KLF12: variants seen among roughly 807,000 people sequenced by gnomAD.
KLF12 encodes the protein Krueppel-like factor 12.
KLF12 carries 9 observed loss-of-function variants against 37.8 expected under a neutral mutation model. The ratio of observed to expected loss-of-function variants is 0.24; its 90% CI spans 0.14 to 0.42. The LOEUF (loss-of-function observed/expected upper bound fraction) is 0.42, where lower values mean the gene tolerates loss of function less well. Ranked by LOEUF, KLF12 falls within the 10% of genes least tolerant of loss-of-function variation. The pLI is 1.00. For synonymous variants in KLF12, 208 were observed against 202.1 expected, an observed-to-expected ratio of 1.03 and a Z score of -0.25; for missense variants, 411 against 516.0, an observed-to-expected ratio of 0.80 and a Z score of 1.97.
intron 4 of KLF12, among the ~76,000 whole-genome samples, chr13:73,841,154 A>C (rs1342591447): frequency 6.6e-6 from 1 of 152,164 alleles, no homozygotes; most frequent in Non-Finnish European, 1.5e-5. Flanking sequence ...ATTTTGGGAC[A>C]CCAATTCCTA....
intron 3 of KLF12, among the ~76,000 whole-genome samples, chr13:73,865,901 T>C (rs1886151425): frequency 6.6e-6 from 1 of 152,112 alleles, no homozygotes; most frequent in Admixed American, 6.6e-5. Flanking sequence ...ATTAATGAAC[T>C]GAAAAATGAA....
At chr13:73,838,537 G>A (rs1884561670) in intron 4 of KLF12, among the ~76,000 whole-genome samples, 1 of 152,090 alleles carries the variant, frequency 6.6e-6, no homozygotes, top group South Asian at 2.1e-4. Flanking sequence ...CATACTCAAG[G>A]ATCTAAACAC....
At chr13:73,906,328 G>A (rs1358870930) in intron 3 of KLF12, among the ~76,000 whole-genome samples, 1 of 151,932 alleles carries the variant, frequency 6.6e-6, no homozygotes, top group Non-Finnish European at 1.5e-5. Context: ...TTCTCCTGTG[G>A]GAAGTCTGTT....
chr13:74,031,049 G>C (rs750558666), intron 1 of KLF12, among the ~76,000 whole-genome samples: 3 of 151,936 alleles, frequency 2.0e-5, no homozygotes, highest in Admixed American at 2.0e-4. Context: ...GCTATATCTC[G>C]AACTACAAAG....
At chr13:74,168,840 C>A in the KLF12 span, among the ~76,000 whole-genome samples, 2 of 152,150 alleles carry the variant, frequency 1.3e-5, no homozygotes, top group African/African-American at 4.8e-5. Flanking sequence ...TAATCGGATG[C>A]CTTTGGGAAG....
chr13:73,724,148 C>T (rs141943632), intron 6 of KLF12, among the ~76,000 whole-genome samples: 3,466 of 152,214 alleles, frequency 0.023, 44 homozygotes, highest in South Asian at 0.075. Flanking sequence ...ACCCAAATGC[C>T]CACCAATGAT....
At chr13:73,828,846 T>A (rs1191706291) in intron 4 of KLF12, among the ~76,000 whole-genome samples, 2 of 152,194 alleles carry the variant, frequency 1.3e-5, no homozygotes, top group Non-Finnish European at 1.5e-5. Context: ...ACTTATCTAC[T>A]TGTCGAATCT....
intron 3 of KLF12, among the ~76,000 whole-genome samples, chr13:73,912,001 T>C (rs1375262539): frequency 6.6e-6 from 1 of 152,212 alleles, no homozygotes; most frequent in African/African-American, 2.4e-5. Flanking sequence ...AATAAGGACA[T>C]TGCTGATGGT....
At chr13:73,759,614 C>T (rs1053245149) in intron 6 of KLF12, among the ~76,000 whole-genome samples, 1 of 152,128 alleles carries the variant, frequency 6.6e-6, no homozygotes, top group African/African-American at 2.4e-5. Flanking sequence ...CACAGGTGGA[C>T]AACTGCCACG....
chr13:73,875,412 G>GT (rs1177565783), intron 3 of KLF12, among the ~76,000 whole-genome samples: 1 of 152,060 alleles, frequency 6.6e-6, no homozygotes, highest in African/African-American at 2.4e-5. Context: ...ATCTCAAAAT[G>GT]TATTTTTAAA....
At chr13:73,746,097 C>G (rs1414696539) in intron 6 of KLF12, among the ~76,000 whole-genome samples, 1 of 150,780 alleles carries the variant, frequency 6.6e-6, no homozygotes, top group East Asian at 1.9e-4. Flanking sequence ...TGCATTGCCA[C>G]AGTTAGAAGT....
the KLF12 span, chr13:74,259,507 T>C: frequency 3.3e-5 from 5 of 152,140 alleles, no homozygotes; most frequent in South Asian, 2.1e-4. Context: ...TCCATGTCCC[T>C]CCCAGTACAC....
At chr13:73,999,315 C>A (rs1892206817) in intron 1 of KLF12, among the ~76,000 whole-genome samples, 1 of 152,154 alleles carries the variant, frequency 6.6e-6, no homozygotes, top group Admixed American at 6.5e-5. Context: ...TTTAGTAACA[C>A]AAGGCCATCA....
intron 5 of KLF12, among the ~76,000 whole-genome samples, chr13:73,802,996 G>T (rs962215633): frequency 6.6e-6 from 1 of 152,152 alleles, no homozygotes; most frequent in African/African-American, 2.4e-5. Context: ...TATATAACTA[G>T]ATTTCAAGAA....
intron 1 of KLF12, among the ~76,000 whole-genome samples, chr13:74,035,574 G>C (rs1046843695): frequency 6.6e-6 from 1 of 152,124 alleles, no homozygotes; most frequent in African/African-American, 2.4e-5. Flanking sequence ...TCTGAATGAA[G>C]CCAAACAAAA....
In KLF12 at chr13:74,133,898, C is replaced by G. The variant is rs1275070004; in HGVS notation, c.-191G>C. 6.6e-6 allele frequency among the ~76,000 whole-genome samples: 1 copy of G among 152,118 alleles called. No individual in the cohort carries two copies. The highest frequency in any genetic ancestry group is 1.5e-5 in the Non-Finnish European group (1 of 68,028). ...GCGCACACGCACACGCAGAGCCTCT[C>G]AGCGGCTCTCTGCAGTTCTCAGGAA... On this transcript the variant is annotated 5_prime_UTR_variant, in exon 1 of 8. Transcript: ENST00000377669.
the KLF12 span, among the ~76,000 whole-genome samples, chr13:74,219,360 T>C: frequency 6.6e-6 from 1 of 152,230 alleles, no homozygotes; most frequent in Non-Finnish European, 1.5e-5. Flanking sequence ...TGAGACTATA[T>C]TTCCATGTGA....
chr13:73,742,805 G>C (rs1485813365), intron 6 of KLF12, among the ~76,000 whole-genome samples: 1 of 152,098 alleles, frequency 6.6e-6, no homozygotes, highest in African/African-American at 2.4e-5. Flanking sequence ...AAGATGAAAT[G>C]GTGGGACATA....
intron 1 of KLF12, among the ~76,000 whole-genome samples, chr13:74,041,143 G>A (rs928855481): frequency 4.6e-5 from 7 of 151,960 alleles, no homozygotes; most frequent in Admixed American, 3.9e-4. Context: ...TTAGCACTCC[G>A]CTCACATCAC....
Sources: gnomAD v4.1 joint callset for allele counts (sites outside exome capture counted in the v4.1 genomes callset) on GRCh38, gnomAD v4.1.1 for gene constraint, MANE v1.5 for transcripts, NCBI Gene and HGNC (gene_info 2026-07-23, HGNC 2026-07-21) for gene names.